MECOM: variants seen among roughly 807,000 people sequenced by gnomAD.
The protein encoded by MECOM is histone-lysine N-methyltransferase MECOM.
A neutral mutation model predicts 116.3 loss-of-function variants in MECOM; 13 were observed. That is an observed-to-expected ratio of 0.11 (90% CI 0.07 to 0.18). The LOEUF (loss-of-function observed/expected upper bound fraction) is 0.18, where lower values mean the gene tolerates loss of function less well. MECOM is among the 10% of genes least tolerant of loss of function. The probability of loss-of-function intolerance (pLI) is 1.00; values close to 1 mark genes in which losing one functional copy is unlikely to be tolerated. For synonymous variants in MECOM, 528 were observed against 535.2 expected (o/e 0.99, Z 0.19); for missense variants, 1,299 against 1,509.0 (o/e 0.86, Z 2.31).
chr3:169,177,418 C>T (rs984110972), intron 2 of MECOM, among the ~76,000 whole-genome samples: 3 of 151,822 alleles, frequency 2.0e-5, no homozygotes, highest in East Asian at 1.9e-4. Flanking sequence ...AGTTGAACAA[C>T]GAGAATACCT....
At position 169,325,385 on chromosome 3, in the gene MECOM, T is replaced by G. The variant is rs375418541; in HGVS notation, c.375+55802A>C. Among the ~76,000 whole-genome samples, 12 of 152,298 alleles carry G rather than the reference T, an allele frequency of 7.9e-5. No individual in the cohort carries two copies. In the South Asian group the frequency reaches 2.5e-3, roughly 32 times the overall value. ...TGAATAAAGGCCATGACATAACAAC[T>G]GAAAAGTATCTACCTCTCACCACCA... On this transcript the variant is annotated intron_variant, in intron 2 of 16. Transcript: ENST00000651503.
chr3:169,590,921 G>A (rs78476869), intron 1 of MECOM, among the ~76,000 whole-genome samples: 2 of 152,162 alleles, frequency 1.3e-5, no homozygotes, highest in African/African-American at 4.8e-5. Flanking sequence ...AATGCAAAAC[G>A]CAAGCAAGGA....
At chr3:169,222,972 AGGAAATACTAAG>A (rs1030044145) in intron 2 of MECOM, among the ~76,000 whole-genome samples, 4 of 152,162 alleles carry the variant, frequency 2.6e-5, no homozygotes, top group Non-Finnish European at 5.9e-5. Flanking sequence ...ATGCAAAGTG[AGGAAATACTAAG>A]GGATCACAGA....
At chr3:169,094,450 C>T (rs1720866196) in intron 13 of MECOM, among the ~76,000 whole-genome samples, 1 of 152,216 alleles carries the variant, frequency 6.6e-6, no homozygotes, top group Non-Finnish European at 1.5e-5. Context: ...ACAATCCCTT[C>T]TGCTAAATAT....
intron 1 of MECOM, among the ~76,000 whole-genome samples, chr3:169,415,305 A>G (rs1039754892): frequency 6.6e-6 from 1 of 152,230 alleles, no homozygotes; most frequent in African/African-American, 2.4e-5. Context: ...TGAAGTAGAA[A>G]TAAAATCCTT....
chr3:169,647,676 A>T (rs1233460808), intron 1 of MECOM, among the ~76,000 whole-genome samples: 1 of 152,134 alleles, frequency 6.6e-6, no homozygotes, highest in Non-Finnish European at 1.5e-5. Context: ...ATATTCTATA[A>T]TTTCTAGAGT....
chr3:169,630,734 G>T (rs1294178279), intron 1 of MECOM, among the ~76,000 whole-genome samples: 1 of 152,142 alleles, frequency 6.6e-6, no homozygotes, highest in Non-Finnish European at 1.5e-5. Flanking sequence ...TGTTTTTGTT[G>T]ATGTTATTTT....
At chr3:169,324,812 C>G (rs530327928) in intron 2 of MECOM, among the ~76,000 whole-genome samples, 79 of 152,308 alleles carry the variant, frequency 5.2e-4, no homozygotes, top group African/African-American at 1.9e-3. Context: ...AGAACTTGTT[C>G]TGACAGCTAG....
chr3:169,409,499 A>G (rs908250420), intron 1 of MECOM, among the ~76,000 whole-genome samples: 5 of 152,144 alleles, frequency 3.3e-5, no homozygotes, highest in Non-Finnish European at 4.4e-5. Context: ...CAACCTATCT[A>G]GCCCCAAACC....
In MECOM at chr3:169,481,627, A is replaced by G. The variant is rs547957100; in HGVS notation, c.38-100103T>C. Among the ~76,000 whole-genome samples the G allele has an allele frequency of 9.8e-4, 148 of 150,528 alleles. 1 individual carries two copies. Among genetic ancestry groups the G allele is most frequent in the African/African-American group, 3.5e-3 (142 of 40,856 alleles). Reference sequence around the variant, plus strand: ...ACAGTGTCTAGAATATAATTTGTCTATTCCACAAATAAATATATATTATTC... The same window carrying G: ...ACAGTGTCTAGAATATAATTTGTCTGTTCCACAAATAAATATATATTATTC... On this transcript the variant is annotated intron_variant, in intron 1 of 16. Transcript: ENST00000651503.
At chr3:169,583,894 C>T (rs1162862287) in intron 1 of MECOM, among the ~76,000 whole-genome samples, 2 of 151,974 alleles carry the variant, frequency 1.3e-5, no homozygotes, top group African/African-American at 2.4e-5. Flanking sequence ...CATAAGCCAC[C>T]GTGTCCAGCC....
intron 2 of MECOM, among the ~76,000 whole-genome samples, chr3:169,266,819 C>CT (rs899846431): frequency 2.0e-5 from 3 of 149,802 alleles, no homozygotes; most frequent in African/African-American, 4.9e-5. Flanking sequence ...AATTCCTTTT[C>CT]TTTTTTTTTA....
intron 1 of MECOM, among the ~76,000 whole-genome samples, chr3:169,525,109 T>C (rs924001974): frequency 2.6e-5 from 4 of 152,218 alleles, no homozygotes; most frequent in African/African-American, 9.6e-5. Flanking sequence ...GAGTTTCTAA[T>C]ATCACAGAAA....
chr3:169,578,708 CAGA>C (rs888632794), intron 1 of MECOM, among the ~76,000 whole-genome samples: 2 of 152,042 alleles, frequency 1.3e-5, no homozygotes, highest in African/African-American at 2.4e-5. Context: ...TTTAACTTTT[CAGA>C]AGAAGTCAGT....
intron 9 of MECOM, among the ~76,000 whole-genome samples, chr3:169,109,582 AT>A (rs1251348433): frequency 6.6e-6 from 1 of 151,704 alleles, no homozygotes; most frequent in East Asian, 1.9e-4. Context: ...GCCCGGCTAA[AT>A]TTTTTTGTAT....
At chr3:169,370,186 G>A (rs995866625) in intron 2 of MECOM, among the ~76,000 whole-genome samples, 3 of 151,906 alleles carry the variant, frequency 2.0e-5, no homozygotes, top group African/African-American at 4.8e-5. Flanking sequence ...ATAGACTGAT[G>A]GAACCGAATA....
chr3:169,468,397 G>A (rs1748662281), intron 1 of MECOM, among the ~76,000 whole-genome samples: 1 of 152,002 alleles, frequency 6.6e-6, no homozygotes, highest in Non-Finnish European at 1.5e-5. Context: ...CACTAATCAG[G>A]GCTGTAATTA....
At chr3:169,146,960 C>T in intron 2 of MECOM, 1 of 1,001,622 alleles carries the variant, frequency 1.0e-6, no homozygotes, top group South Asian at 4.2e-5. Flanking sequence ...CTCTCCAGGA[C>T]CACGCGTTTC....
chr3:169,498,416 C>T (rs1056058156), intron 1 of MECOM, among the ~76,000 whole-genome samples: 1 of 152,008 alleles, frequency 6.6e-6, no homozygotes, highest in Non-Finnish European at 1.5e-5. Context: ...TTTTCATGGA[C>T]CATAAAAGAA....
Sources: allele counts gnomAD v4.1 joint callset (sites outside exome capture counted in the v4.1 genomes callset), GRCh38; gene constraint gnomAD v4.1.1; transcripts MANE v1.5; gene names NCBI Gene and HGNC (gene_info 2026-07-23, HGNC 2026-07-21).